Variants in VPS33A observed in about 807,000 individuals in gnomAD.
VPS33A encodes VPS33A core subunit of CORVET and HOPS complexes, also known as vacuolar protein sorting-associated protein 33A.
In VPS33A, 32 loss-of-function variants were observed where a neutral mutation model predicts 71.8. The ratio of observed to expected loss-of-function variants is 0.45; its 90% CI spans 0.34 to 0.60. VPS33A has a LOEUF of 0.60. Ranked by LOEUF, VPS33A falls within the 20% of genes least tolerant of loss-of-function variation. The pLI is 0.02. For missense variants in VPS33A, 625 were observed against 748.5 expected, an observed-to-expected ratio of 0.84 and a Z score of 1.92; for synonymous variants, 311 against 292.7, an observed-to-expected ratio of 1.06 and a Z score of -0.64.
chr12:122,261,667 G>A (rs184714152), intron 3 of VPS33A, among the ~76,000 whole-genome samples: 4 of 152,126 alleles, frequency 2.6e-5, no homozygotes, highest in African/African-American at 7.2e-5. Context: ...TCAGGAGTTC[G>A]AGACCAGTCT....
intron 9 of VPS33A, among the ~76,000 whole-genome samples, chr12:122,239,545 T>G (rs192611833): frequency 3.3e-5 from 5 of 151,978 alleles, no homozygotes; most frequent in Admixed American, 6.6e-5. Context: ...CCATCCTGGC[T>G]AACATGGTGA....
intron 4 of VPS33A, among the ~76,000 whole-genome samples, chr12:122,259,809 TA>T (rs1434428468): frequency 4.6e-5 from 7 of 151,384 alleles, no homozygotes; most frequent in Admixed American, 4.0e-4. Context: ...ATCTCCAGAA[TA>T]AGTTCAAAAC....
intron 10 of VPS33A, among the ~76,000 whole-genome samples, chr12:122,237,668 C>T (rs531405730): frequency 7.3e-6 from 1 of 137,368 alleles, no homozygotes; most frequent in African/African-American, 3.1e-5. Context: ...CTCAGCCTCC[C>T]GAGTAGCTGG....
rs1230927523 is a variant in VPS33A at position 122,251,108 on chromosome 12, GA to G, written c.484-10del. 1 of 1,607,990 alleles carries G rather than the reference GA, an allele frequency of 6.2e-7. No individual in the cohort carries two copies. The highest frequency in any genetic ancestry group is 8.5e-7 in the Non-Finnish European group (1 of 1,174,984). ...CCCTCCAGGTAGCACTCCTGTGAGG[GA>G]AAAGGCCAATTATTGCCAGGCCATG... On this transcript the variant is annotated splice_polypyrimidine_tract_variant and intron_variant, in intron 4 of 12. Coordinates refer to ENST00000267199, the MANE Select transcript of VPS33A (RefSeq NM_022916.6).
intron 6 of VPS33A, among the ~76,000 whole-genome samples, chr12:122,246,402 C>A (rs985405861): frequency 1.1e-4 from 17 of 152,088 alleles, no homozygotes; most frequent in African/African-American, 4.1e-4. Context: ...CGGGTTCAAG[C>A]GATTCTCCTG....
intron 6 of VPS33A, among the ~76,000 whole-genome samples, chr12:122,245,542 C>T (rs1268413054): frequency 6.6e-6 from 1 of 151,022 alleles, no homozygotes; most frequent in Non-Finnish European, 1.5e-5. Flanking sequence ...CTCCTGGGTT[C>T]AAATGATTCT....
chr12:122,237,026 CTTACACAAGGA>C (rs1480727843), intron 10 of VPS33A, among the ~76,000 whole-genome samples: 1 of 152,090 alleles, frequency 6.6e-6, no homozygotes, highest in Non-Finnish European at 1.5e-5. Flanking sequence ...TTATTTGACT[CTTACACAAGGA>C]TACATAACTT....
chr12:122,262,218 C>T (rs1441786464), intron 3 of VPS33A, among the ~76,000 whole-genome samples: 1 of 151,994 alleles, frequency 6.6e-6, no homozygotes, highest in East Asian at 1.9e-4. Flanking sequence ...CTGACTCAGA[C>T]CCAACGTGTT....
At chr12:122,265,761 G>T in intron 1 of VPS33A, 1 of 449,772 alleles carries the variant, frequency 2.2e-6, no homozygotes, top group South Asian at 1.6e-5. Flanking sequence ...CTGTTTAAAA[G>T]AAATCCTATA....
intron 3 of VPS33A, 64 bp downstream of exon 3, chr12:122,263,508 G>A: frequency 6.7e-7 from 1 of 1,493,346 alleles, no homozygotes; most frequent in Non-Finnish European, 9.0e-7. Flanking sequence ...ATGAGAAGGA[G>A]CTCATAAATT....
intron 10 of VPS33A, among the ~76,000 whole-genome samples, chr12:122,238,330 C>A (rs1411479819): frequency 6.6e-6 from 1 of 152,154 alleles, no homozygotes; most frequent in Non-Finnish European, 1.5e-5. Context: ...AAGCGATTCT[C>A]CTGCCTGATC....
At chr12:122,254,782 T>G (rs903253145) in intron 4 of VPS33A, among the ~76,000 whole-genome samples, 3 of 151,964 alleles carry the variant, frequency 2.0e-5, no homozygotes, top group Non-Finnish European at 4.4e-5. Flanking sequence ...CCAGGCGCGG[T>G]GGCTCACGCC....
intron 4 of VPS33A, among the ~76,000 whole-genome samples, chr12:122,259,724 C>G (rs1954967648): frequency 6.6e-6 from 1 of 152,006 alleles, no homozygotes; most frequent in Non-Finnish European, 1.5e-5. Context: ...TGGGTGAACC[C>G]TCAAAACATT....
rs1442466084 is a variant in VPS33A at position 122,232,271 on chromosome 12, T to C, written c.1766A>G (p.Glu589Gly). The change falls in exon 13 of 13, where the codon GAG becomes GGG. Residue 589 changes from glutamate to glycine, a missense_variant. By Grantham distance (98) the Glu-to-Gly change is moderately conservative. Transcript: ENST00000267199. ...TKLMNGTSWI[E>G]ALMEKPF ...CTAGAAAGGTTTTTCCATCAGAGCC[T>C]CTATCCAACTGGTTCCATTCATTAG... 6.2e-7 allele frequency: 1 copy of C among 1,613,140 alleles called. No homozygotes were observed. The highest frequency in any genetic ancestry group is 1.3e-5 in the African/African-American group (1 of 75,012).
chr12:122,248,296 A>T (rs996726708), intron 6 of VPS33A: 1 of 152,366 alleles, frequency 6.6e-6, no homozygotes, highest in Non-Finnish European at 1.5e-5. Flanking sequence ...GCCGGGGACT[A>T]TGCAGACGAG....
At position 122,252,175 on chromosome 12, in the gene VPS33A, G is replaced by A. The variant is rs115830477; in HGVS notation, c.484-1076C>T. On this transcript the variant is annotated intron_variant, in intron 4 of 12. Transcript: ENST00000267199. ...AGGAGGGTAAGGCAGGAGGATCACC[G>A]GAGCCCAGGGATTTGAGGCTGCAAT... 9.7e-3 allele frequency among the ~76,000 whole-genome samples: 1,479 copies of A among 152,226 alleles called. 26 individuals carry two copies. Among genetic ancestry groups the A allele is most frequent in the African/African-American group, 0.032 (1,345 of 41,542 alleles).
At chr12:122,259,028 C>CATGTGG (rs1440365612) in intron 4 of VPS33A, among the ~76,000 whole-genome samples, 1 of 150,526 alleles carries the variant, frequency 6.6e-6, no homozygotes, top group Non-Finnish European at 1.5e-5. Context: ...TAAGTCTGTC[C>CATGTGG]ATGTGGATAT....
chr12:122,263,003 T>C (rs1014607931), intron 3 of VPS33A, among the ~76,000 whole-genome samples: 3 of 150,526 alleles, frequency 2.0e-5, no homozygotes, highest in Non-Finnish European at 4.4e-5. Flanking sequence ...TTTTTTTTTT[T>C]TTTTTTTGAG....
chr12:122,233,105 T>A, intron 11 of VPS33A, 137 bp from the exon 12 acceptor site: 1 of 984,296 alleles, frequency 1.0e-6, no homozygotes, highest in Non-Finnish European at 1.4e-6. Flanking sequence ...TGCCTTGTTC[T>A]AATCCACCCT....
Sources: gnomAD v4.1 joint callset for allele counts (sites outside exome capture counted in the v4.1 genomes callset) on GRCh38, gnomAD v4.1.1 for gene constraint, MANE v1.5 for transcripts, NCBI Gene and HGNC (gene_info 2026-07-23, HGNC 2026-07-21) for gene names.